Variants in GPHN observed in about 807,000 individuals in gnomAD.
GPHN encodes gephyrin.
Under a neutral mutation model 95.5 loss-of-function variants are expected in GPHN, and 17 were observed. That is an observed-to-expected ratio of 0.18 (90% CI 0.12 to 0.27). The LOEUF (loss-of-function observed/expected upper bound fraction) is 0.27, where lower values mean the gene tolerates loss of function less well. Ranked by LOEUF, GPHN falls within the 10% of genes least tolerant of loss-of-function variation. The pLI, the probability that GPHN is intolerant of heterozygous loss-of-function variation, is 1.00. For synonymous variants in GPHN, 320 were observed against 322.5 expected, an observed-to-expected ratio of 0.99 and a Z score of 0.08; for missense variants, 660 against 978.1, an observed-to-expected ratio of 0.67 and a Z score of 4.34.
intron 11 of GPHN, among the ~76,000 whole-genome samples, chr14:67,067,148 A>G (rs2076092624): frequency 6.6e-6 from 1 of 152,102 alleles, no homozygotes; most frequent in Non-Finnish European, 1.5e-5. Flanking sequence ...TGGTGATGCT[A>G]TTCCTTTCTG....
intron 10 of GPHN, among the ~76,000 whole-genome samples, chr14:67,044,646 G>T (rs919074728): frequency 6.6e-6 from 1 of 151,970 alleles, no homozygotes; most frequent in African/African-American, 2.4e-5. Context: ...TGCTGCTTTT[G>T]TTGTTGTTGT....
the GPHN span, among the ~76,000 whole-genome samples, chr14:67,323,259 GTGTA>G: frequency 1.8e-3 from 223 of 125,194 alleles, 1 homozygote; most frequent in Middle Eastern, 8.7e-3. Flanking sequence ...GTGTGTGTGT[GTGTA>G]TATATATATA....
At chr14:67,023,543 C>T (rs1482125059) in intron 9 of GPHN, 90 bp from the exon 10 acceptor site, 4 of 922,834 alleles carry the variant, frequency 4.3e-6, no homozygotes, top group Non-Finnish European at 7.2e-6. Context: ...AGCCTTTGCT[C>T]CTAGACCTCA....
chr14:66,921,325 A>G (rs1339824514), intron 6 of GPHN, among the ~76,000 whole-genome samples: 2 of 151,464 alleles, frequency 1.3e-5, no homozygotes, highest in Non-Finnish European at 1.5e-5. Flanking sequence ...TGCAGTTTTG[A>G]TTTGCATTTC....
chr14:67,474,113 G>T, the GPHN span, among the ~76,000 whole-genome samples: 2 of 152,112 alleles, frequency 1.3e-5, no homozygotes, highest in African/African-American at 4.8e-5. Context: ...TTAGCCTGGC[G>T]TGGTGGCCCG....
At position 66,543,787 on chromosome 14, in the gene GPHN, C is replaced by G. The variant is rs150202277; in HGVS notation, c.64+35196C>G. On this transcript the variant is annotated intron_variant, in intron 1 of 22. Transcript: ENST00000478722. ...TATCCCAGATGTGTCAATTCCCCACCACTTTCACTGCCATTACCCTGGTTC... is the reference window on the plus strand; with the variant it reads ...TATCCCAGATGTGTCAATTCCCCACGACTTTCACTGCCATTACCCTGGTTC... Among the ~76,000 whole-genome samples the G allele has an allele frequency of 4.0e-4, 61 of 152,264 alleles. 3 individuals are homozygous for G. In the East Asian group the frequency reaches 9.9e-3, roughly 25 times the overall value.
chr14:66,905,934 C>A (rs117625611), intron 5 of GPHN, among the ~76,000 whole-genome samples: 1,825 of 151,408 alleles, frequency 0.012, 18 homozygotes, highest in Non-Finnish European at 0.018. Flanking sequence ...GTATAGTATT[C>A]CATGGTGTGT....
chr14:67,244,036 C>T, the GPHN span, among the ~76,000 whole-genome samples: 1 of 152,208 alleles, frequency 6.6e-6, no homozygotes, highest in Admixed American at 6.5e-5. Flanking sequence ...CTCAGGATGT[C>T]TCATTGTTAG....
At chr14:66,799,892 T>C (rs1168711518) in intron 3 of GPHN, among the ~76,000 whole-genome samples, 1 of 152,050 alleles carries the variant, frequency 6.6e-6, no homozygotes, top group Non-Finnish European at 1.5e-5. Flanking sequence ...TCATCCTGTC[T>C]TTCTTTAGTG....
chr14:67,280,311 A>AGAGC, the GPHN span, among the ~76,000 whole-genome samples: 1 of 152,214 alleles, frequency 6.6e-6, no homozygotes, highest in Non-Finnish European at 1.5e-5. Context: ...GTGCTCACTG[A>AGAGC]ACTAGTGTTA....
the GPHN span, chr14:67,656,365 G>A: frequency 3.4e-6 from 5 of 1,469,868 alleles, no homozygotes; most frequent in African/African-American, 1.4e-5. Flanking sequence ...CAGGTGCAGT[G>A]GCCCCCTAAT....
the GPHN span, among the ~76,000 whole-genome samples, chr14:67,402,325 GTACA>G: frequency 1.3e-5 from 2 of 151,818 alleles, no homozygotes; most frequent in Admixed American, 6.6e-5. Flanking sequence ...TATACATGGG[GTACA>G]TGAGCTATTT....
the GPHN span, among the ~76,000 whole-genome samples, chr14:67,496,573 A>T: frequency 4.0e-5 from 6 of 151,254 alleles, no homozygotes; most frequent in Non-Finnish European, 8.8e-5. Flanking sequence ...GCTGGAAGAG[A>T]AGTAGACGTG....
In GPHN at chr14:67,140,416, G is replaced by A. The variant is rs538930457; in HGVS notation, c.1749-2946G>A. Reference sequence around the variant, plus strand: ...AAAAAAAAAAGTACGATAAAGCACTGAAAAGTACTTATTTATAGTAATCAG... The same window carrying A: ...AAAAAAAAAAGTACGATAAAGCACTAAAAAGTACTTATTTATAGTAATCAG... On this transcript the variant is annotated intron_variant, in intron 17 of 22. Coordinates refer to ENST00000478722, the MANE Select transcript of GPHN (RefSeq NM_020806.5). 3.3e-5 allele frequency among the ~76,000 whole-genome samples: 5 copies of A among 151,234 alleles called. No individual in the cohort carries two copies. The East Asian group carries it at 9.7e-4, about 29-fold the overall frequency.
chr14:66,780,585 A>AT (rs962075440), intron 3 of GPHN, among the ~76,000 whole-genome samples: 1 of 150,874 alleles, frequency 6.6e-6, no homozygotes, highest in African/African-American at 2.4e-5. Flanking sequence ...CCCTCAGGAG[A>AT]TTCCTTTTAA....
the GPHN span, among the ~76,000 whole-genome samples, chr14:67,417,407 TA>T: frequency 6.6e-6 from 1 of 152,178 alleles, no homozygotes; most frequent in Non-Finnish European, 1.5e-5. Flanking sequence ...TGAGCATTGG[TA>T]ATCAACACCT....
chr14:67,186,168 G>C (rs537828477), downstream of GPHN, among the ~76,000 whole-genome samples: 3 of 152,004 alleles, frequency 2.0e-5, no homozygotes, highest in African/African-American at 7.2e-5. Context: ...AGTATGCCAG[G>C]CTCCATGTTA....
the GPHN span, chr14:67,350,565 G>C: frequency 6.6e-7 from 1 of 1,505,112 alleles, no homozygotes; most frequent in African/African-American, 1.4e-5. Context: ...TTATGAGACT[G>C]AAATCACTTT....
At chr14:67,687,466 C>CTTTTT in the GPHN span, among the ~76,000 whole-genome samples, 1 of 116,706 alleles carries the variant, frequency 8.6e-6, no homozygotes. Flanking sequence ...CCTCCATATT[C>CTTTTT]CTTTTTTTTT....
Sources: gnomAD v4.1 joint callset for allele counts (sites outside exome capture counted in the v4.1 genomes callset) on GRCh38, gnomAD v4.1.1 for gene constraint, MANE v1.5 for transcripts, NCBI Gene and HGNC (gene_info 2026-07-23, HGNC 2026-07-21) for gene names.